Variants in CSMD1 observed in about 807,000 individuals in gnomAD.
The protein encoded by CSMD1 is CUB and Sushi multiple domains 1.
In CSMD1, 213 loss-of-function variants were observed where a neutral mutation model predicts 417.5. That is an observed-to-expected ratio of 0.51 (90% confidence interval 0.46 to 0.57). The LOEUF is 0.57. CSMD1 is among the 20% of genes least tolerant of loss of function. The probability of loss-of-function intolerance (pLI) is 0.00; values close to 1 mark genes in which losing one functional copy is unlikely to be tolerated. For synonymous variants in CSMD1, 2,862 were observed against 1,736.8 expected (o/e 1.65, Z -16.11); for missense variants, 6,923 against 4,529.7 (o/e 1.53, Z -15.17).
At chr8:3,961,858 C>A (rs567232561) in intron 5 of CSMD1, among the ~76,000 whole-genome samples, 51 of 152,178 alleles carry the variant, frequency 3.4e-4, no homozygotes, top group Middle Eastern at 3.4e-3. Flanking sequence ...AAGAGATGTC[C>A]CTTTAGTCCT....
chr8:2,950,590 C>T (rs1204033837), intron 66 of CSMD1, among the ~76,000 whole-genome samples: 2 of 151,966 alleles, frequency 1.3e-5, no homozygotes, highest in African/African-American at 4.8e-5. Context: ...TATCCTTATT[C>T]CACAGAAAGA....
intron 1 of CSMD1, among the ~76,000 whole-genome samples, chr8:4,839,799 T>G (rs1270609727): frequency 6.6e-6 from 1 of 152,212 alleles, no homozygotes; most frequent in Non-Finnish European, 1.5e-5. Flanking sequence ...TTAGACCTTT[T>G]GAATTAAATA....
rs1311850655 is a variant in CSMD1 at position 4,760,909 on chromosome 8, G to C, written c.86-123351C>G. ...TAGAAAGTGTGCAGCAGAAGTTATGGTAGCATATCTTTCTCAAGCTTATTT... is the reference window on the plus strand; with the variant it reads ...TAGAAAGTGTGCAGCAGAAGTTATGCTAGCATATCTTTCTCAAGCTTATTT... On this transcript the variant is annotated intron_variant, in intron 1 of 69. Coordinates refer to ENST00000635120, the MANE Select transcript of CSMD1 (RefSeq NM_033225.6). 3.0e-4 allele frequency among the ~76,000 whole-genome samples: 45 copies of C among 152,146 alleles called. 2 individuals carry two copies. The highest frequency in any genetic ancestry group is 2.9e-3 in the Admixed American group (44 of 15,260).
At chr8:4,859,010 A>T (rs1467471859) in intron 1 of CSMD1, among the ~76,000 whole-genome samples, 2 of 151,164 alleles carry the variant, frequency 1.3e-5, no homozygotes, top group African/African-American at 4.8e-5. Flanking sequence ...ACCTGACTTC[A>T]AACTATACTA....
chr8:3,113,674 G>A lies in CSMD1; in HGVS notation c.6431-3339C>T, dbSNP rs548719687. Reference sequence around the variant, plus strand: ...CTTCGTTCATTGACATCCCTGAGAAGTGGGAAGGGGGTACTTTTGGTGATT... The same window carrying A: ...CTTCGTTCATTGACATCCCTGAGAAATGGGAAGGGGGTACTTTTGGTGATT... On this transcript the variant is annotated intron_variant, in intron 42 of 69. Transcript: ENST00000635120. Among the ~76,000 whole-genome samples the A allele has an allele frequency of 2.6e-4, 39 of 152,246 alleles. 1 individual carries two copies. Among genetic ancestry groups the A allele is most frequent in the African/African-American group, 8.9e-4 (37 of 41,552 alleles).
intron 2 of CSMD1, among the ~76,000 whole-genome samples, chr8:4,457,840 T>C (rs565745278): frequency 6.6e-6 from 1 of 152,112 alleles, no homozygotes. Context: ...AGCTTTGCAG[T>C]GACTTCCGAG....
chr8:3,218,563 AAAT>A (rs1387470846), intron 29 of CSMD1, among the ~76,000 whole-genome samples: 2 of 150,092 alleles, frequency 1.3e-5, no homozygotes, highest in African/African-American at 2.5e-5. Context: ...TCCATCTCAA[AAAT>A]AAAAAAAAAA....
chr8:4,811,465 C>T (rs1798903929), intron 1 of CSMD1, among the ~76,000 whole-genome samples: 1 of 151,884 alleles, frequency 6.6e-6, no homozygotes, highest in Non-Finnish European at 1.5e-5. Context: ...AAGAATACAA[C>T]TTCAAAAAAT....
intron 6 of CSMD1, among the ~76,000 whole-genome samples, chr8:3,717,152 A>AT (rs1244966479): frequency 6.6e-6 from 1 of 152,132 alleles, no homozygotes; most frequent in Non-Finnish European, 1.5e-5. Flanking sequence ...TACACTTAAA[A>AT]TTTTTATTTT....
intron 50 of CSMD1, among the ~76,000 whole-genome samples, chr8:3,037,895 G>C (rs1810800543): frequency 6.6e-6 from 1 of 152,090 alleles, no homozygotes; most frequent in Non-Finnish European, 1.5e-5. Flanking sequence ...ACTGAATCTA[G>C]ACCTTCATAA....
At chr8:4,811,056 A>G (rs935466509) in intron 1 of CSMD1, among the ~76,000 whole-genome samples, 2 of 152,344 alleles carry the variant, frequency 1.3e-5, no homozygotes, top group African/African-American at 4.8e-5. Flanking sequence ...ACGATTAATC[A>G]GTAAAGTAAT....
At chr8:4,729,551 T>C (rs1201386123) in intron 1 of CSMD1, among the ~76,000 whole-genome samples, 2 of 152,218 alleles carry the variant, frequency 1.3e-5, no homozygotes, top group African/African-American at 2.4e-5. Flanking sequence ...TTGAGAATGA[T>C]GCATTAGGCA....
intron 10 of CSMD1, among the ~76,000 whole-genome samples, chr8:3,508,993 G>C (rs75527892): frequency 6.6e-6 from 1 of 152,156 alleles, no homozygotes; most frequent in South Asian, 2.1e-4. Flanking sequence ...GAATATCTCA[G>C]TGCAAATCCC....
At chr8:3,101,678 G>C (rs1054823851) in intron 46 of CSMD1, among the ~76,000 whole-genome samples, 1 of 152,014 alleles carries the variant, frequency 6.6e-6, no homozygotes, top group Non-Finnish European at 1.5e-5. Flanking sequence ...GCTCCCCTCA[G>C]CCTCCCAAAG....
At chr8:4,844,106 T>C (rs1290410291) in intron 1 of CSMD1, among the ~76,000 whole-genome samples, 2 of 152,176 alleles carry the variant, frequency 1.3e-5, no homozygotes, top group Non-Finnish European at 1.5e-5. Context: ...AGTGTTTGTC[T>C]AAGAGCTGAC....
intron 8 of CSMD1, among the ~76,000 whole-genome samples, chr8:3,607,682 C>G (rs1157099599): frequency 6.6e-6 from 1 of 152,168 alleles, no homozygotes; most frequent in Non-Finnish European, 1.5e-5. Context: ...ACTGGATATT[C>G]TATTTACAAA....
intron 12 of CSMD1, among the ~76,000 whole-genome samples, chr8:3,432,151 T>C (rs1814258595): frequency 6.6e-6 from 1 of 152,196 alleles, no homozygotes; most frequent in Non-Finnish European, 1.5e-5. Context: ...GTAGATTGCT[T>C]GGTAATACCT....
At chr8:3,468,986 T>G in intron 11 of CSMD1, 162 bp from the exon 12 acceptor site, 1 of 474,510 alleles carries the variant, frequency 2.1e-6, no homozygotes, top group South Asian at 3.7e-5. Flanking sequence ...TATATTAATA[T>G]TCAAACATCA....
At chr8:3,295,325 A>T (rs754078047) in intron 25 of CSMD1, among the ~76,000 whole-genome samples, 1 of 151,764 alleles carries the variant, frequency 6.6e-6, no homozygotes, top group Admixed American at 6.6e-5. Flanking sequence ...ACGGGGTTTC[A>T]CTGTGTTAGC....
Sources: allele counts gnomAD v4.1 joint callset (sites outside exome capture counted in the v4.1 genomes callset), GRCh38; gene constraint gnomAD v4.1.1; transcripts MANE v1.5; gene names NCBI Gene and HGNC (gene_info 2026-07-23, HGNC 2026-07-21).